ROCK1: variants seen among roughly 807,000 people sequenced by gnomAD.
ROCK1 encodes the protein rho-associated protein kinase 1.
A neutral mutation model predicts 196.8 loss-of-function variants in ROCK1; 36 were observed. The ratio of observed to expected loss-of-function variants is 0.18; its 90% CI spans 0.14 to 0.24. The LOEUF is 0.24. Ranked by LOEUF, ROCK1 falls within the 10% of genes least tolerant of loss-of-function variation. The probability of loss-of-function intolerance (pLI) is 1.00; values close to 1 mark genes in which losing one functional copy is unlikely to be tolerated. For synonymous variants in ROCK1, 443 were observed against 515.9 expected, an observed-to-expected ratio of 0.86 and a Z score of 1.91; for missense variants, 920 against 1,562.0, an observed-to-expected ratio of 0.59 and a Z score of 6.93.
At chr18:21,032,506 G>GTTTTT (rs368055407) in intron 9 of ROCK1, among the ~76,000 whole-genome samples, 1 of 129,252 alleles carries the variant, frequency 7.7e-6, no homozygotes, top group Admixed American at 7.7e-5. Context: ...AAATAGGAAA[G>GTTTTT]TTTTTTTTTT....
intron 13 of ROCK1, among the ~76,000 whole-genome samples, chr18:21,014,799 T>A (rs2035849369): frequency 6.6e-6 from 1 of 152,050 alleles, no homozygotes; most frequent in African/African-American, 2.4e-5. Context: ...AAGGACAAAG[T>A]AAGTAATGTA....
At chr18:21,076,519 A>C (rs1334187757) in intron 1 of ROCK1, among the ~76,000 whole-genome samples, 3 of 152,264 alleles carry the variant, frequency 2.0e-5, no homozygotes, top group African/African-American at 7.2e-5. Flanking sequence ...AAAAAGAAAC[A>C]GTTAAATGAT....
chr18:21,070,801 T>C (rs1247500648), intron 1 of ROCK1, among the ~76,000 whole-genome samples, 188 bp from the exon 2 acceptor site: 1 of 152,218 alleles, frequency 6.6e-6, no homozygotes, highest in African/African-American at 2.4e-5. Flanking sequence ...GCAGTTCTTT[T>C]TACCTTCTAA....
At chr18:20,998,949 CA>C (rs1188269865) in intron 16 of ROCK1, among the ~76,000 whole-genome samples, 1 of 152,068 alleles carries the variant, frequency 6.6e-6, no homozygotes, top group Admixed American at 6.6e-5. Flanking sequence ...CAATCCTACT[CA>C]AACTATTTCA....
chr18:21,014,837 T>C (rs1331150410), intron 13 of ROCK1, among the ~76,000 whole-genome samples: 1 of 152,212 alleles, frequency 6.6e-6, no homozygotes, highest in African/African-American at 2.4e-5. Flanking sequence ...AGAGTGTATT[T>C]CTTTTCATGG....
At position 20,949,944 on chromosome 18, in the gene ROCK1, T is replaced by A. The variant is rs1448813191; in HGVS notation, c.*1440A>T. ...GTCATTAGTATATTAATAACAGATATGTTTATTATTACATATCCATCAGTG... is the reference window on the plus strand; with the variant it reads ...GTCATTAGTATATTAATAACAGATAAGTTTATTATTACATATCCATCAGTG... On this transcript the variant is annotated 3_prime_UTR_variant, in exon 33 of 33. Transcript: ENST00000399799. 6.5e-6 allele frequency: 1 copy of A among 152,706 alleles called. No homozygotes were observed. The highest frequency in any genetic ancestry group is 1.5e-5 in the Non-Finnish European group (1 of 68,050). The allele number at this position is 152,706 out of a possible 1,614,324, so 9.5% of individuals were successfully genotyped here.
In ROCK1 at chr18:20,991,345, A is replaced by T; in HGVS notation, c.1993-19T>A. ...TCTTTTCCTGTAAAATGGGAGTAGG[A>T]GTCATGTAATAAACTGTGCAGAAGG... On this transcript the variant is annotated intron_variant, in intron 17 of 32. Coordinates refer to ENST00000399799, the MANE Select transcript of ROCK1 (RefSeq NM_005406.3). 6.4e-7 allele frequency: 1 copy of T among 1,552,472 alleles called. No individual in the cohort carries two copies.
At chr18:21,020,994 T>A (rs1402663805) in intron 11 of ROCK1, among the ~76,000 whole-genome samples, 3 of 152,096 alleles carry the variant, frequency 2.0e-5, no homozygotes, top group African/African-American at 7.2e-5. Context: ...TAGAGGGCAG[T>A]GAAGTTCTAA....
chr18:21,110,666 A>G (rs561366497), intron 1 of ROCK1, 152 bp downstream of exon 1: 1 of 684,756 alleles, frequency 1.5e-6, no homozygotes, highest in Non-Finnish European at 2.6e-6. Flanking sequence ...ATGAGATGTT[A>G]ATGGTACTCC....
At chr18:21,039,325 A>T in intron 9 of ROCK1, 147 bp downstream of exon 9, 1 of 613,698 alleles carries the variant, frequency 1.6e-6, no homozygotes, top group Non-Finnish European at 2.8e-6. Flanking sequence ...ATATTATCAA[A>T]TTAATAGGTT....
intron 16 of ROCK1, among the ~76,000 whole-genome samples, chr18:21,004,211 T>C (rs2035749922): frequency 6.6e-6 from 1 of 152,122 alleles, no homozygotes; most frequent in South Asian, 2.1e-4. Context: ...TTTAAAAGGT[T>C]ATAAAAAGTA....
intron 1 of ROCK1, among the ~76,000 whole-genome samples, chr18:21,085,607 A>G (rs1171139645): frequency 6.6e-6 from 1 of 152,196 alleles, no homozygotes; most frequent in Non-Finnish European, 1.5e-5. Flanking sequence ...ACATGATTTA[A>G]CAAGGTTCCA....
intron 11 of ROCK1, among the ~76,000 whole-genome samples, chr18:21,023,180 C>T (rs1246404241): frequency 6.6e-6 from 1 of 151,994 alleles, no homozygotes; most frequent in Non-Finnish European, 1.5e-5. Context: ...GTGATGGCTG[C>T]ACAACTATGT....
intron 1 of ROCK1, among the ~76,000 whole-genome samples, chr18:21,102,055 T>C (rs2036663607): frequency 6.6e-6 from 1 of 152,228 alleles, no homozygotes; most frequent in Non-Finnish European, 1.5e-5. Flanking sequence ...CTTCTGCGTA[T>C]ATTTGAAATT....
intron 9 of ROCK1, among the ~76,000 whole-genome samples, chr18:21,031,135 G>A (rs540739690): frequency 6.6e-5 from 10 of 152,256 alleles, no homozygotes; most frequent in Non-Finnish European, 1.2e-4. Context: ...AGCAACAACC[G>A]CAAGCCCTGG....
intron 16 of ROCK1, among the ~76,000 whole-genome samples, chr18:20,995,094 A>G (rs1046274872): frequency 2.0e-5 from 3 of 152,210 alleles, no homozygotes; most frequent in African/African-American, 7.2e-5. Context: ...AAGAGTGAAA[A>G]TGTTCCCACC....
intron 1 of ROCK1, among the ~76,000 whole-genome samples, chr18:21,086,738 CAAACCGA>C (rs2036531114): frequency 7.1e-6 from 1 of 140,040 alleles, no homozygotes; most frequent in African/African-American, 2.7e-5. Flanking sequence ...TTTAAAATGT[CAAACCGA>C]AATTCTACAT....
At chr18:21,104,461 G>A (rs1244788149) in intron 1 of ROCK1, among the ~76,000 whole-genome samples, 1 of 152,184 alleles carries the variant, frequency 6.6e-6, no homozygotes, top group Non-Finnish European at 1.5e-5. Flanking sequence ...GCCGGGTGCG[G>A]TGGCGGGCGC....
At chr18:21,073,168 T>C (rs544990754) in intron 1 of ROCK1, among the ~76,000 whole-genome samples, 60 of 150,746 alleles carry the variant, frequency 4.0e-4, no homozygotes, top group African/African-American at 1.4e-3. Context: ...AATTAAATTC[T>C]TTGCTACTAA....
Sources: allele counts gnomAD v4.1 joint callset (sites outside exome capture counted in the v4.1 genomes callset), GRCh38; gene constraint gnomAD v4.1.1; transcripts MANE v1.5; gene names NCBI Gene and HGNC (gene_info 2026-07-23, HGNC 2026-07-21).